Variants in SERPINB5 observed in about 807,000 individuals in gnomAD.
SERPINB5 encodes the protein serpin B5.
A neutral mutation model predicts 32.2 loss-of-function variants in SERPINB5; 27 were observed. The ratio of observed to expected loss-of-function variants is 0.84; its 90% confidence interval spans 0.62 to 1.16. The LOEUF (loss-of-function observed/expected upper bound fraction) is 1.16. SERPINB5 is among the 50% of genes most tolerant of loss of function. The pLI, the probability that SERPINB5 is intolerant of heterozygous loss-of-function variation, is 0.00. For missense variants in SERPINB5, 388 were observed against 436.3 expected, an observed-to-expected ratio of 0.89 and a Z score of 0.99; for synonymous variants, 154 against 157.4, an observed-to-expected ratio of 0.98 and a Z score of 0.16.
At chr18:63,490,603 T>C (rs765215673) in intron 4 of SERPINB5, 1 of 152,150 alleles carries the variant, frequency 6.6e-6, no homozygotes, top group Non-Finnish European at 1.5e-5. Flanking sequence ...CGAGAATGAC[T>C]GGCGCCCCCA....
intron 5 of SERPINB5, chr18:63,493,365 A>G (rs7227145): frequency 0.54 from 302,239 of 557,890 alleles, 86,407 homozygotes; most frequent in Non-Finnish European, 0.62. Flanking sequence ...CTAAGTCACC[A>G]GCTGAAAAAT....
rs751691436 is a variant in SERPINB5, at chr18:63,503,685, G to A, written c.1091G>A (p.Arg364Gln). Residue 364 changes from arginine to glutamine, a missense_variant, in exon 7 of 7, where the codon CGA becomes CAA. Physicochemically the swap from Arg to Gln is conservative, Grantham distance 43 (BLOSUM62 1). Transcript: ENST00000382771. The part of the protein sequence containing the change: ...FIYIIRHNKT[R>Q]NIIFFGKFCS... ...TACATCATCAGGCACAACAAAACTC[G>A]AAACATTATTTTCTTTGGCAAATTC... 28 of 1,614,024 alleles carry A rather than the reference G, an allele frequency of 1.7e-5. No individual in the cohort carries two copies. The highest frequency in any genetic ancestry group is 1.6e-4 in the Middle Eastern group (1 of 6,084).
intron 5 of SERPINB5, 61 bp from the exon 6 acceptor site, chr18:63,499,059 A>ATATATATC: frequency 2.7e-6 from 2 of 739,922 alleles, no homozygotes; most frequent in Non-Finnish European, 2.0e-6. Flanking sequence ...ATATATATAT[A>ATATATATC]TATATATATT....
At chr18:63,483,413 A>G (rs1917155767) in intron 1 of SERPINB5, among the ~76,000 whole-genome samples, 1 of 152,214 alleles carries the variant, frequency 6.6e-6, no homozygotes, top group Admixed American at 6.5e-5. Flanking sequence ...TTTATTAAGT[A>G]TTGTTATGTG....
chr18:63,490,080 T>C (rs978666471), intron 4 of SERPINB5, among the ~76,000 whole-genome samples: 10 of 152,148 alleles, frequency 6.6e-5, no homozygotes, highest in African/African-American at 2.2e-4. Flanking sequence ...TAGTCCCAGC[T>C]ACTCGGGAGG....
At chr18:63,485,609 C>G in intron 2 of SERPINB5, 1 of 152,260 alleles carries the variant, frequency 6.6e-6, no homozygotes, top group East Asian at 1.9e-4. Flanking sequence ...CCTACCCAAT[C>G]TCCCATTCCT....
chr18:63,491,230 C>A (rs575801212), intron 4 of SERPINB5, among the ~76,000 whole-genome samples: 27 of 151,598 alleles, frequency 1.8e-4, no homozygotes, highest in Non-Finnish European at 3.5e-4. Flanking sequence ...GGTGAAACCC[C>A]GTCTCTACTA....
intron 3 of SERPINB5, among the ~76,000 whole-genome samples, chr18:63,487,536 C>G (rs1316811187): frequency 2.6e-5 from 4 of 152,150 alleles, no homozygotes. Flanking sequence ...TCTGATGTTT[C>G]TCAAAATCAG....
Position 63,497,434 on chromosome 18 carries a change from C to G in SERPINB5, c.568-1686C>G. 3.6e-6 allele frequency: 3 copies of G among 844,346 alleles called. No individual in the cohort carries two copies. The South Asian group carries it at 3.9e-5, about 11-fold the overall frequency. 52.3% of individuals were successfully genotyped at this position (844,346 alleles called of 1,614,324 possible). Reference sequence around the variant, plus strand: ...GGGGGTCACCTGCCTGTCCCTGCTGCTGCGGCTGCACACCATTCTTGGTGC... The same window carrying G: ...GGGGGTCACCTGCCTGTCCCTGCTGGTGCGGCTGCACACCATTCTTGGTGC... On this transcript the variant is annotated intron_variant, in intron 5 of 6. Transcript: ENST00000382771.
chr18:63,478,641 C>G (rs1027111519), intron 1 of SERPINB5, among the ~76,000 whole-genome samples: 4 of 152,124 alleles, frequency 2.6e-5, no homozygotes, highest in Non-Finnish European at 4.4e-5. Flanking sequence ...ATGGCATTCC[C>G]TAAGGACTGG....
At chr18:63,495,240 CTT>C (rs1282906663) in intron 5 of SERPINB5, among the ~76,000 whole-genome samples, 2 of 152,248 alleles carry the variant, frequency 1.3e-5, no homozygotes, top group African/African-American at 4.8e-5. Flanking sequence ...TCTTCACACT[CTT>C]GTGTTTTGCA....
At chr18:63,489,258 T>C in intron 3 of SERPINB5, 89 bp from the exon 4 acceptor site, 2 of 725,986 alleles carry the variant, frequency 2.8e-6, no homozygotes, top group Non-Finnish European at 4.7e-6. Flanking sequence ...CATATAGCAG[T>C]TGATATTTAA....
chr18:63,496,338 T>C (rs1158949770), intron 5 of SERPINB5, among the ~76,000 whole-genome samples: 1 of 152,236 alleles, frequency 6.6e-6, no homozygotes, highest in Admixed American at 6.5e-5. Flanking sequence ...GGAAGAATTA[T>C]CTGTTAACCT....
intron 1 of SERPINB5, among the ~76,000 whole-genome samples, chr18:63,478,161 T>C (rs1917066850): frequency 6.6e-6 from 1 of 152,260 alleles, no homozygotes; most frequent in South Asian, 2.1e-4. Context: ...AGCAGGTTTA[T>C]ATCTTTGCTT....
At chr18:63,503,247 T>TG in intron 6 of SERPINB5, 83 bp from the exon 7 acceptor site, 1 of 1,448,678 alleles carries the variant, frequency 6.9e-7, no homozygotes. Context: ...GGGCTTATCA[T>TG]AACACCTTAT....
At chr18:63,491,503 G>A (rs1909337762) in intron 4 of SERPINB5, among the ~76,000 whole-genome samples, 1 of 144,000 alleles carries the variant, frequency 6.9e-6, no homozygotes, top group Admixed American at 7.0e-5. Flanking sequence ...GAGATAGAAT[G>A]TTGCTCTGTC....
chr18:63,502,525 T>TA (rs35618498), intron 6 of SERPINB5, among the ~76,000 whole-genome samples: 19,547 of 146,250 alleles, frequency 0.13, 1,284 homozygotes, highest in Admixed American at 0.14. Flanking sequence ...AAATTCCCAT[T>TA]AAAAAAAAAA....
At position 63,491,098 on chromosome 18, in the gene SERPINB5, T is replaced by C. The variant is rs150765732; in HGVS notation, c.424+1634T>C. Among the ~76,000 whole-genome samples the C allele has an allele frequency of 1.8e-3, 273 of 152,272 alleles. 8 individuals carry two copies. In the East Asian group the frequency reaches 0.041, roughly 23 times the overall value. ...GTTTGGTTTTCCATTCCTAAGTTACTTCACTTAGAATAATGGTCTTCAGAC... is the reference window on the plus strand; with the variant it reads ...GTTTGGTTTTCCATTCCTAAGTTACCTCACTTAGAATAATGGTCTTCAGAC... On this transcript the variant is annotated intron_variant, in intron 4 of 6. Coordinates refer to ENST00000382771, the MANE Select transcript of SERPINB5 (RefSeq NM_002639.5).
At position 63,499,051 on chromosome 18, in the gene SERPINB5, A is replaced by G. The variant is rs866093076; in HGVS notation, c.568-69A>G. 2,469 of 413,368 alleles carry G rather than the reference A, an allele frequency of 6.0e-3. 61 individuals are homozygous for G. Among genetic ancestry groups the G allele is most frequent in the African/African-American group, 0.05 (2,081 of 41,596 alleles). 25.6% of individuals were successfully genotyped at this position (413,368 alleles called of 1,614,324 possible). A position where few individuals can be genotyped will look rare whatever the true frequency, so the allele number is the denominator to read the frequency against. On this transcript the variant is annotated intron_variant, in intron 5 of 6. Transcript: ENST00000382771. ...TGTGTGTGTGCGCGCGTGTGTGTAT[A>G]TATATATATATATATATTTATGCAT...
Sources: gnomAD v4.1 joint callset for allele counts (sites outside exome capture counted in the v4.1 genomes callset) on GRCh38, gnomAD v4.1.1 for gene constraint, MANE v1.5 for transcripts, NCBI Gene and HGNC (gene_info 2026-07-23, HGNC 2026-07-21) for gene names.